The following GRB10 variants were observed in gnomAD, a reference collection of about 807,000 sequenced individuals.
The protein encoded by GRB10 is growth factor receptor bound protein 10.
Under a neutral mutation model 80.9 loss-of-function variants are expected in GRB10, and 20 were observed. The ratio of observed to expected loss-of-function variants is 0.25; its 90% CI spans 0.17 to 0.36. GRB10 has a LOEUF of 0.36. Ranked by LOEUF, GRB10 falls within the 10% of genes least tolerant of loss-of-function variation. The probability of loss-of-function intolerance (pLI) is 1.00; values close to 1 mark genes in which losing one functional copy is unlikely to be tolerated. For synonymous variants in GRB10, 291 were observed against 291.5 expected, an observed-to-expected ratio of 1.00 and a Z score of 0.02; for missense variants, 548 against 747.7, an observed-to-expected ratio of 0.73 and a Z score of 3.12.
At chr7:50,707,835 C>T (rs2065257020) in intron 4 of GRB10, among the ~76,000 whole-genome samples, 3 of 152,188 alleles carry the variant, frequency 2.0e-5, no homozygotes, top group Admixed American at 6.5e-5. Flanking sequence ...TTGCGTGCTT[C>T]CTGTGCACTG....
intron 2 of GRB10, among the ~76,000 whole-genome samples, chr7:50,772,676 C>A (rs548372485): frequency 6.6e-6 from 1 of 152,236 alleles, no homozygotes; most frequent in African/African-American, 2.4e-5. Flanking sequence ...ATGCAAAAAT[C>A]TTTATATGGA....
chr7:50,712,978 T>C (rs909742270), intron 4 of GRB10, among the ~76,000 whole-genome samples: 1 of 152,216 alleles, frequency 6.6e-6, no homozygotes, highest in African/African-American at 2.4e-5. Context: ...CCAGAGCCTG[T>C]CAATCTTGAC....
intron 7 of GRB10, among the ~76,000 whole-genome samples, chr7:50,652,698 T>C (rs2058142790): frequency 6.6e-6 from 1 of 152,090 alleles, no homozygotes; most frequent in Non-Finnish European, 1.5e-5. Flanking sequence ...TACCTGAAAA[T>C]CTTAATAGCA....
intron 4 of GRB10, among the ~76,000 whole-genome samples, chr7:50,731,750 T>C (rs975080089): frequency 6.6e-6 from 1 of 152,190 alleles, no homozygotes; most frequent in East Asian, 1.9e-4. Context: ...CCCACAAAAT[T>C]CCACCTAGGG....
chr7:50,648,260 C>T (rs940206952), intron 7 of GRB10, among the ~76,000 whole-genome samples: 8 of 152,016 alleles, frequency 5.3e-5, no homozygotes, highest in African/African-American at 1.7e-4. Flanking sequence ...AGGAGAGCAG[C>T]GAGCGACAGG....
intron 7 of GRB10, among the ~76,000 whole-genome samples, chr7:50,628,001 A>G (rs2053277260): frequency 6.6e-6 from 1 of 152,040 alleles, no homozygotes. Flanking sequence ...CAGTGATGCA[A>G]TCACCCCACG....
intron 13 of GRB10, 127 bp from the exon 14 acceptor site, chr7:50,606,541 A>C (rs569882241): frequency 2.7e-6 from 2 of 739,258 alleles, no homozygotes; most frequent in South Asian, 2.9e-5. Context: ...ACCAGCCTCC[A>C]GGAGCCTGAG....
At chr7:50,606,038 C>T (rs926745512) in intron 14 of GRB10, among the ~76,000 whole-genome samples, 7 of 152,184 alleles carry the variant, frequency 4.6e-5, no homozygotes, top group African/African-American at 1.4e-4. Context: ...AAAGGCAGTA[C>T]CCCACAAGGC....
chr7:50,726,135 T>C (rs1465314570), intron 4 of GRB10: 2 of 152,216 alleles, frequency 1.3e-5, no homozygotes, highest in African/African-American at 2.4e-5. Context: ...GGCTCACCCC[T>C]ATCTATAATC....
intron 5 of GRB10, among the ~76,000 whole-genome samples, chr7:50,679,579 C>T (rs2061335622): frequency 6.6e-6 from 1 of 152,180 alleles, no homozygotes; most frequent in African/African-American, 2.4e-5. Flanking sequence ...ATCCCTTCTT[C>T]ACAGACCTAC....
At position 50,669,769 on chromosome 7, in the gene GRB10, C is replaced by A; in HGVS notation, c.457G>T (p.Val153Leu). ...GGAGGTAAAGAACCCGGCGTGAGCA[C>A]AGGGGGGCTCCCAGGGCCACAGAGT... ...PELCGPGSPP[V>L]LTPGSLPPSQ... The change falls in exon 7 of 19, where the codon GTG becomes TTG. Residue 153 changes from valine to leucine, a missense_variant. By Grantham distance (32) the Val-to-Leu change is conservative. Coordinates refer to ENST00000401949, the MANE Select transcript of GRB10 (RefSeq NM_001350814.2). The A allele has an allele frequency of 6.2e-7, 1 of 1,613,968 alleles. No individual in the cohort carries two copies.
intron 4 of GRB10, among the ~76,000 whole-genome samples, chr7:50,720,818 A>T (rs1214469301): frequency 2.0e-5 from 3 of 151,388 alleles, no homozygotes; most frequent in Admixed American, 2.0e-4. Context: ...CTAAATTTTC[A>T]TCAATGTATT....
intron 2 of GRB10, among the ~76,000 whole-genome samples, chr7:50,767,053 C>T (rs2076414091): frequency 6.6e-6 from 1 of 152,164 alleles, no homozygotes; most frequent in Non-Finnish European, 1.5e-5. Context: ...GGTATGGACA[C>T]ATTAAAAATG....
At chr7:50,594,201 C>T (rs2046243235) in intron 18 of GRB10, among the ~76,000 whole-genome samples, 2 of 152,224 alleles carry the variant, frequency 1.3e-5, no homozygotes, top group African/African-American at 4.8e-5. Flanking sequence ...TTCTGTTCCT[C>T]ACCCCAGTGC....
chr7:50,595,602 TACACACAC>T lies in GRB10; in HGVS notation c.1545-80_1545-73del, dbSNP rs59746858. On this transcript the variant is annotated intron_variant, in intron 17 of 18. Coordinates refer to ENST00000401949, the MANE Select transcript of GRB10 (RefSeq NM_001350814.2). ...AACTAATCACACACACACACTCTCT[TACACACAC>T]ACACACACACACACACACACACACA... 4,337 of 561,422 alleles carry T rather than the reference TACACACAC, an allele frequency of 7.7e-3. 16 individuals carry two copies. The highest frequency in any genetic ancestry group is 0.024 in the African/African-American group (1,208 of 51,278). 34.8% of individuals were successfully genotyped at this position (561,422 alleles called of 1,614,324 possible).
intron 5 of GRB10, among the ~76,000 whole-genome samples, chr7:50,691,499 G>A: frequency 6.6e-6 from 1 of 152,180 alleles, no homozygotes. Flanking sequence ...CGAAGCATAA[G>A]TTCTTAATAG....
chr7:50,648,003 G>A (rs1289062893), intron 7 of GRB10, among the ~76,000 whole-genome samples: 3 of 152,178 alleles, frequency 2.0e-5, no homozygotes, highest in Non-Finnish European at 4.4e-5. Context: ...GCACCCACAT[G>A]GAGGTGCCAT....
chr7:50,762,425 T>C (rs1339700328), intron 2 of GRB10, among the ~76,000 whole-genome samples: 2 of 151,776 alleles, frequency 1.3e-5, no homozygotes, highest in Non-Finnish European at 2.9e-5. Context: ...TGACGGACAC[T>C]CCACCTCCAC....
intron 2 of GRB10, among the ~76,000 whole-genome samples, chr7:50,772,839 C>T (rs2077117499): frequency 6.6e-6 from 1 of 152,196 alleles, no homozygotes; most frequent in Non-Finnish European, 1.5e-5. Flanking sequence ...AAGGACAAAA[C>T]AGTTGCGTAT....
Sources: gnomAD v4.1 joint callset for allele counts (sites outside exome capture counted in the v4.1 genomes callset) on GRCh38, gnomAD v4.1.1 for gene constraint, MANE v1.5 for transcripts, NCBI Gene and HGNC (gene_info 2026-07-23, HGNC 2026-07-21) for gene names.